Variants in HDAC9 observed in about 807,000 individuals in gnomAD.
The protein encoded by HDAC9 is histone deacetylase 9.
In HDAC9, 41 loss-of-function variants were observed where a neutral mutation model predicts 139.4. The observed-to-expected ratio is 0.29, with a 90% CI of 0.23 to 0.38. HDAC9 has a LOEUF of 0.38. Among genes scored for constraint, HDAC9 ranks in the 10% least tolerant of loss-of-function variants. The pLI is 1.00. For missense variants in HDAC9, 1,147 were observed against 1,297.0 expected (o/e 0.88, Z 1.78); for synonymous variants, 517 against 476.2 (o/e 1.09, Z -1.12).
chr7:18,754,400 T>G (rs1004910918), intron 14 of HDAC9, among the ~76,000 whole-genome samples: 1 of 152,068 alleles, frequency 6.6e-6, no homozygotes, highest in Admixed American at 6.6e-5. Flanking sequence ...CATCATCTGT[T>G]AGAAATGCAC....
At chr7:18,643,282 A>G (rs1244754571) in intron 8 of HDAC9, among the ~76,000 whole-genome samples, 2 of 152,138 alleles carry the variant, frequency 1.3e-5, no homozygotes, top group African/African-American at 2.4e-5. Context: ...TTTCCCAACA[A>G]TCTTCATGCT....
At position 18,585,459 on chromosome 7, in the gene HDAC9, G is replaced by A. The variant is rs1158760020; in HGVS notation, c.201G>A (p.Glu67=). 6.2e-6 allele frequency: 10 copies of A among 1,613,920 alleles called. No individual in the cohort carries two copies. The highest frequency in any genetic ancestry group is 8.5e-6 in the Non-Finnish European group (10 of 1,179,850). ...TCCAGAAGCAGCTTCTGATAGCAGA[G>A]TTTCAGAAACAGCATGAGAACTTGA... ...QQIQKQLLIA[E]FQKQHENLTR... is the part of the protein sequence containing the mutation. The change falls in exon 3 of 26, where the codon GAG becomes GAA. Residue 67 remains glutamate (E), a synonymous_variant. Coordinates refer to ENST00000686413, the MANE Select transcript of HDAC9 (RefSeq NM_178425.4).
intron 2 of HDAC9, among the ~76,000 whole-genome samples, chr7:18,524,624 G>A (rs547772922): frequency 6.6e-6 from 1 of 152,216 alleles, no homozygotes; most frequent in South Asian, 2.1e-4. Flanking sequence ...TAAAGTTTAT[G>A]TTTGGGGCAA....
rs1039244672 is a variant in HDAC9 at position 18,640,609 on chromosome 7, G to A, written c.913-4062G>A. 2.0e-5 allele frequency among the ~76,000 whole-genome samples: 3 copies of A among 150,816 alleles called. No homozygotes were observed. The East Asian group carries it at 5.9e-4, about 30-fold the overall frequency. ...GCTCCTGGAGGCATCATTCTCTCCC[G>A]TGTTCTTGTTTATATGAATTTTTAC... On this transcript the variant is annotated intron_variant, in intron 8 of 25. Transcript: ENST00000686413.
chr7:18,163,904 A>C (rs1429405961), intron 2 of HDAC9, among the ~76,000 whole-genome samples: 1 of 152,190 alleles, frequency 6.6e-6, no homozygotes, highest in Admixed American at 6.6e-5. Flanking sequence ...CCTGCTCCCC[A>C]AGAATGTTGA....
intron 1 of HDAC9, among the ~76,000 whole-genome samples, chr7:18,159,132 C>T (rs559706709): frequency 3.9e-5 from 6 of 152,072 alleles, no homozygotes; most frequent in South Asian, 2.1e-4. Flanking sequence ...TAAATGTGCA[C>T]GAATATGTAT....
At chr7:18,281,861 T>G (rs1797126424) in intron 2 of HDAC9, among the ~76,000 whole-genome samples, 1 of 152,344 alleles carries the variant, frequency 6.6e-6, no homozygotes, top group African/African-American at 2.4e-5. Context: ...TAATGTACCC[T>G]GACTGACTTT....
At chr7:18,509,318 C>T (rs984211726) in intron 2 of HDAC9, 2 of 985,280 alleles carry the variant, frequency 2.0e-6, no homozygotes, top group African/African-American at 3.5e-5. Flanking sequence ...AAGCCTTTAT[C>T]AATGGGTAGG....
At chr7:18,284,798 A>G (rs913274105) in intron 2 of HDAC9, among the ~76,000 whole-genome samples, 3 of 152,110 alleles carry the variant, frequency 2.0e-5, no homozygotes, top group Non-Finnish European at 4.4e-5. Flanking sequence ...TCTTCATTTG[A>G]TTTAAATCCA....
At chr7:18,092,532 C>A (rs1782237709) in intron 1 of HDAC9, among the ~76,000 whole-genome samples, 1 of 151,996 alleles carries the variant, frequency 6.6e-6, no homozygotes, top group Non-Finnish European at 1.5e-5. Flanking sequence ...TCGCTGCTGG[C>A]ATATAGCTTC....
intron 14 of HDAC9, among the ~76,000 whole-genome samples, chr7:18,749,512 T>G (rs192107666): frequency 2.0e-5 from 3 of 152,344 alleles, no homozygotes; most frequent in Admixed American, 6.5e-5. Flanking sequence ...TATATGCCAA[T>G]TTTGCCACAT....
At chr7:18,871,145 G>C (rs1798887982) in intron 21 of HDAC9, among the ~76,000 whole-genome samples, 1 of 152,088 alleles carries the variant, frequency 6.6e-6, no homozygotes, top group African/African-American at 2.4e-5. Context: ...CTTGGTGTTT[G>C]ATTGTTTGGA....
chr7:18,177,971 C>CT (rs113331545), intron 2 of HDAC9, among the ~76,000 whole-genome samples: 19,545 of 151,950 alleles, frequency 0.13, 1,720 homozygotes, highest in African/African-American at 0.25. Context: ...TATCCCTTTT[C>CT]TTTTTGCTTA....
At chr7:18,868,070 C>G (rs1390582181) in intron 21 of HDAC9, among the ~76,000 whole-genome samples, 1 of 152,082 alleles carries the variant, frequency 6.6e-6, no homozygotes, top group Non-Finnish European at 1.5e-5. Context: ...TGAACTTTAT[C>G]TGTTTCGTTA....
chr7:18,283,056 A>G (rs1023469242), intron 2 of HDAC9, among the ~76,000 whole-genome samples: 1 of 151,828 alleles, frequency 6.6e-6, no homozygotes, highest in Non-Finnish European at 1.5e-5. Flanking sequence ...GTAATAATAT[A>G]AGAAGAGTGT....
chr7:18,663,900 A>G (rs1204315555), intron 11 of HDAC9, among the ~76,000 whole-genome samples: 1 of 152,100 alleles, frequency 6.6e-6, no homozygotes, highest in Admixed American at 6.6e-5. Flanking sequence ...TGCAGCACTG[A>G]CTGATAGTCT....
chr7:18,684,573 G>C (rs1782128925), intron 12 of HDAC9, among the ~76,000 whole-genome samples: 1 of 151,974 alleles, frequency 6.6e-6, no homozygotes, highest in Non-Finnish European at 1.5e-5. Context: ...GATGAACTGT[G>C]TCCTAATGAG....
At chr7:18,339,894 T>C (rs1011699202) in intron 1 of HDAC9, among the ~76,000 whole-genome samples, 1 of 151,534 alleles carries the variant, frequency 6.6e-6, no homozygotes, top group African/African-American at 2.4e-5. Context: ...CTACAAGTGC[T>C]AATGAGGTCA....
chr7:18,824,084 G>C (rs868102927), intron 17 of HDAC9, among the ~76,000 whole-genome samples: 17 of 144,374 alleles, frequency 1.2e-4, no homozygotes, highest in African/African-American at 3.1e-4. Flanking sequence ...AGAAGAAGAA[G>C]AAGAACAAGA....
Sources: gnomAD v4.1 joint callset for allele counts (sites outside exome capture counted in the v4.1 genomes callset) on GRCh38, gnomAD v4.1.1 for gene constraint, MANE v1.5 for transcripts, NCBI Gene and HGNC (gene_info 2026-07-23, HGNC 2026-07-21) for gene names.